The following SEMA3D variants were observed in gnomAD, a reference collection of about 807,000 sequenced individuals.
SEMA3D encodes semaphorin-3D.
A neutral mutation model predicts 100.1 loss-of-function variants in SEMA3D; 84 were observed. The ratio of observed to expected loss-of-function variants is 0.84; its 90% confidence interval spans 0.70 to 1.01. The LOEUF (loss-of-function observed/expected upper bound fraction) is 1.01. Among genes scored for constraint, SEMA3D ranks in the 50% least tolerant of loss-of-function variants. SEMA3D has a pLI of 0.00. For synonymous variants in SEMA3D, 312 were observed against 320.7 expected (o/e 0.97, Z 0.29); for missense variants, 875 against 934.1 (o/e 0.94, Z 0.82).
the SEMA3D span, among the ~76,000 whole-genome samples, chr7:85,231,923 A>G: frequency 4.6e-3 from 706 of 152,308 alleles, 4 homozygotes; most frequent in Non-Finnish European, 7.4e-3. Context: ...TTCTTAAAAA[A>G]TATGGTCACT....
chr7:85,062,083 A>C (rs1791493512), intron 8 of SEMA3D, among the ~76,000 whole-genome samples: 1 of 152,212 alleles, frequency 6.6e-6, no homozygotes, highest in South Asian at 2.1e-4. Flanking sequence ...GAACTGTATT[A>C]TACAATGGAA....
intron 1 of SEMA3D, among the ~76,000 whole-genome samples, chr7:85,181,539 A>C (rs1791411211): frequency 6.6e-6 from 1 of 152,194 alleles, no homozygotes; most frequent in Non-Finnish European, 1.5e-5. Flanking sequence ...AGATTGAATA[A>C]ATTAATAAGT....
intron 1 of SEMA3D, among the ~76,000 whole-genome samples, chr7:85,183,837 C>T (rs1791466315): frequency 1.3e-5 from 2 of 152,154 alleles, no homozygotes; most frequent in African/African-American, 4.8e-5. Context: ...GAGTGAACTA[C>T]AAAAGTGAAC....
chr7:85,207,912 A>C, the SEMA3D span, among the ~76,000 whole-genome samples: 1 of 152,136 alleles, frequency 6.6e-6, no homozygotes, highest in South Asian at 2.1e-4. Context: ...CATTAGTCAC[A>C]GCCTTACTAT....
chr7:85,230,567 C>T, the SEMA3D span, among the ~76,000 whole-genome samples: 1 of 152,128 alleles, frequency 6.6e-6, no homozygotes, highest in South Asian at 2.1e-4. Context: ...TTTTCATTTC[C>T]CTTTTCCTCG....
intron 3 of SEMA3D, among the ~76,000 whole-genome samples, chr7:85,107,334 G>T (rs763398839): frequency 2.6e-5 from 4 of 152,034 alleles, no homozygotes; most frequent in Non-Finnish European, 4.4e-5. Context: ...ATCTGGTAAA[G>T]GTGTGCAGAG....
At chr7:85,099,933 T>C (rs1420801239) in intron 3 of SEMA3D, among the ~76,000 whole-genome samples, 1 of 152,042 alleles carries the variant, frequency 6.6e-6, no homozygotes, top group Non-Finnish European at 1.5e-5. Flanking sequence ...ATTATAGTCT[T>C]TCATCAGATA....
chr7:85,187,982 G>C (rs1209245118), upstream of SEMA3D, among the ~76,000 whole-genome samples: 1 of 152,156 alleles, frequency 6.6e-6, no homozygotes, highest in Non-Finnish European at 1.5e-5. Flanking sequence ...ACATGAGGTA[G>C]AGACATGGAA....
At chr7:85,004,913 C>A (rs1789752212) in intron 18 of SEMA3D, among the ~76,000 whole-genome samples, 1 of 151,876 alleles carries the variant, frequency 6.6e-6, no homozygotes, top group Non-Finnish European at 1.5e-5. Context: ...CATTGAAATT[C>A]ATGGAGCATG....
At position 85,020,796 on chromosome 7, in the gene SEMA3D, C is replaced by G. The variant is rs370355131; in HGVS notation, c.1415-475G>C. Among the ~76,000 whole-genome samples, 7 of 151,464 alleles carry G rather than the reference C, an allele frequency of 4.6e-5. No homozygotes were observed. The East Asian group carries it at 9.8e-4, about 21-fold the overall frequency. ...AATGTTGTCAAATGAACAAAAAAAT[C>G]ATTGAAGCTATCTGAGGGAAATTGT... On this transcript the variant is annotated intron_variant, in intron 13 of 18. Transcript: ENST00000284136.
chr7:85,202,155 C>T, the SEMA3D span, among the ~76,000 whole-genome samples: 1 of 149,842 alleles, frequency 6.7e-6, no homozygotes, highest in Non-Finnish European at 1.5e-5. Context: ...TGTGCTGCAC[C>T]CACTAACTCG....
chr7:85,142,696 T>C, intron 2 of SEMA3D: 1 of 966,934 alleles, frequency 1.0e-6, no homozygotes, highest in Non-Finnish European at 1.2e-6. Flanking sequence ...TTTTTTTTAG[T>C]GTCTAAAAAC....
the SEMA3D span, among the ~76,000 whole-genome samples, chr7:85,220,856 G>A: frequency 6.6e-6 from 1 of 152,128 alleles, no homozygotes; most frequent in African/African-American, 2.4e-5. Context: ...GTTGGTTCAG[G>A]TCAGAGGGGC....
the SEMA3D span, among the ~76,000 whole-genome samples, chr7:85,215,270 A>G: frequency 3.3e-4 from 50 of 152,244 alleles, no homozygotes; most frequent in African/African-American, 1.2e-3. Flanking sequence ...AGTAAATTTC[A>G]TTAGTTTCAT....
rs142428000 is a variant in SEMA3D at position 85,147,649 on chromosome 7, TAAG to T, written c.-41+5956_-41+5958del. On this transcript the variant is annotated intron_variant, in intron 2 of 18. Transcript: ENST00000284136. Reference sequence around the variant, plus strand: ...AGATAACAGAATTTCATGAAAATCTTAAGAATCAATTTTTTCAAGTACCTTATT... The same window carrying T: ...AGATAACAGAATTTCATGAAAATCTTAATCAATTTTTTCAAGTACCTTATT... Among the ~76,000 whole-genome samples the T allele has an allele frequency of 2.3e-3, 348 of 152,260 alleles. 1 individual carries two copies. Among genetic ancestry groups the T allele is most frequent in the Middle Eastern group, 0.014 (4 of 294 alleles).
At chr7:85,015,249 C>A in intron 15 of SEMA3D, 33 bp from the exon 16 acceptor site, 1 of 1,593,006 alleles carries the variant, frequency 6.3e-7, no homozygotes. Context: ...GAATTAGAAG[C>A]ATCTTTCAGA....
intron 5 of SEMA3D, 122 bp downstream of exon 5, chr7:85,081,393 AAT>A (rs1788060165): frequency 3.4e-6 from 2 of 595,424 alleles, no homozygotes; most frequent in Admixed American, 5.5e-5. Context: ...ATTCACATAG[AAT>A]ATGTTAGTTT....
At chr7:85,094,830 T>A (rs1373877345) in intron 4 of SEMA3D, among the ~76,000 whole-genome samples, 2 of 151,978 alleles carry the variant, frequency 1.3e-5, no homozygotes, top group East Asian at 3.9e-4. Flanking sequence ...TTGGAATCGT[T>A]AAGCTTCGGG....
chr7:85,040,836 A>G (rs1790840053), intron 10 of SEMA3D, 94 bp from the exon 11 acceptor site: 2 of 652,682 alleles, frequency 3.1e-6, no homozygotes, highest in Admixed American at 2.8e-5. Context: ...AAATCTAAAC[A>G]GTTTATACGA....
Sources: gnomAD v4.1 joint callset for allele counts (sites outside exome capture counted in the v4.1 genomes callset) on GRCh38, gnomAD v4.1.1 for gene constraint, MANE v1.5 for transcripts, NCBI Gene and HGNC (gene_info 2026-07-23, HGNC 2026-07-21) for gene names.